The following PCSK6 variants were observed in gnomAD, a reference collection of about 807,000 sequenced individuals.
PCSK6 encodes the protein paired basic amino acid cleaving enzyme 4.
A neutral mutation model predicts 123.3 loss-of-function variants in PCSK6; 85 were observed. The observed-to-expected ratio is 0.69, with a 90% CI of 0.58 to 0.83. The LOEUF is 0.83. Ranked by LOEUF, PCSK6 falls within the 40% of genes least tolerant of loss-of-function variation. PCSK6 has a pLI of 0.00. For missense variants in PCSK6, 1,191 were observed against 1,282.3 expected (o/e 0.93, Z 1.09); for synonymous variants, 508 against 516.0 (o/e 0.98, Z 0.21).
rs1477744712 is a variant in PCSK6, at chr15:101,427,936, T to C, written c.779A>G (p.Asn260Ser). 1.9e-6 allele frequency: 3 copies of C among 1,589,010 alleles called. No homozygotes were observed. Among genetic ancestry groups the C allele is most frequent in the Non-Finnish European group, 2.6e-6 (3 of 1,167,548 alleles). Residue 260 changes from asparagine to serine, a missense_variant, in exon 6 of 22, where the codon AAT becomes AGT. This residue lies in a region of PCSK6 where 357 missense variants were observed against 484.5 expected (regional missense o/e 0.74). Coordinates refer to ENST00000611716, the MANE Select transcript of PCSK6 (RefSeq NM_002570.5). ...CAGEVAASANNSYCIVGIAYN... is the reference protein window; with the variant it reads ...CAGEVAASANSSYCIVGIAYN... ...CGCTATGCCCACGATGCAGTAGGAA[T>C]TGTTTGCTGAAGCAGCAACTTCTCC...
chr15:101,310,901 G>C (rs1192290630), intron 20 of PCSK6, among the ~76,000 whole-genome samples: 5 of 152,160 alleles, frequency 3.3e-5, no homozygotes, highest in Non-Finnish European at 7.3e-5. Context: ...CTCATTTTCA[G>C]TCTTTTTCAG....
In PCSK6 at chr15:101,364,061, A is replaced by C. The variant is rs532948770; in HGVS notation, c.1858+2135T>G. 3.6e-3 allele frequency among the ~76,000 whole-genome samples: 541 copies of C among 152,208 alleles called. 3 individuals are homozygous for C. The highest frequency in any genetic ancestry group is 3.8e-3 in the Non-Finnish European group (261 of 68,006). Reference sequence around the variant, plus strand: ...AATTTTCCACGTAAGGCAAGTCAACACTCTTCTTTTCTCCTAAAACTGTGC... The same window carrying C: ...AATTTTCCACGTAAGGCAAGTCAACCCTCTTCTTTTCTCCTAAAACTGTGC... On this transcript the variant is annotated intron_variant, in intron 13 of 21. Coordinates refer to ENST00000611716, the MANE Select transcript of PCSK6 (RefSeq NM_002570.5).
At chr15:101,451,835 T>C (rs929824935) in intron 1 of PCSK6, among the ~76,000 whole-genome samples, 1 of 152,188 alleles carries the variant, frequency 6.6e-6, no homozygotes, top group Non-Finnish European at 1.5e-5. Flanking sequence ...ACCAAATTAA[T>C]TCTGTATTGC....
chr15:101,352,436 C>T (rs979162200), intron 13 of PCSK6, among the ~76,000 whole-genome samples: 4 of 152,178 alleles, frequency 2.6e-5, no homozygotes, highest in African/African-American at 9.7e-5. Flanking sequence ...GAATATTTTT[C>T]TAATTTTATG....
At chr15:101,352,137 A>ATTT (rs56844456) in intron 13 of PCSK6, among the ~76,000 whole-genome samples, 4,942 of 96,980 alleles carry the variant, frequency 0.051, 513 homozygotes, top group African/African-American at 0.1. Context: ...TATTTTTCTA[A>ATTT]TTTTTTTTTT....
At chr15:101,487,955 A>G (rs898535680) in intron 1 of PCSK6, among the ~76,000 whole-genome samples, 1 of 152,214 alleles carries the variant, frequency 6.6e-6, no homozygotes, top group African/African-American at 2.4e-5. Flanking sequence ...CATTTTATAT[A>G]TATATATGCA....
intron 15 of PCSK6, among the ~76,000 whole-genome samples, chr15:101,330,149 T>C (rs964252921): frequency 1.3e-5 from 2 of 152,176 alleles, no homozygotes; most frequent in African/African-American, 4.8e-5. Context: ...AGCACTGACA[T>C]CTTCCTTGTG....
At chr15:101,306,702 A>G (rs2039730984) in intron 21 of PCSK6, among the ~76,000 whole-genome samples, 1 of 152,056 alleles carries the variant, frequency 6.6e-6, no homozygotes, top group African/African-American at 2.4e-5. Flanking sequence ...CTTGTCCCCC[A>G]TCCTATGGCA....
chr15:101,438,885 G>T (rs1443598065), intron 2 of PCSK6, among the ~76,000 whole-genome samples: 6 of 152,220 alleles, frequency 3.9e-5, no homozygotes, highest in Non-Finnish European at 8.8e-5. Flanking sequence ...TTGGAGCCCA[G>T]AGGGGAAGGT....
intron 6 of PCSK6, among the ~76,000 whole-genome samples, chr15:101,406,610 G>T (rs2042788994): frequency 2.0e-5 from 3 of 152,070 alleles, no homozygotes; most frequent in African/African-American, 7.2e-5. Flanking sequence ...AATCCTAAAA[G>T]GTTTCTGTCA....
At chr15:101,433,625 G>T (rs1312597962) in intron 2 of PCSK6, among the ~76,000 whole-genome samples, 3 of 152,260 alleles carry the variant, frequency 2.0e-5, no homozygotes, top group Non-Finnish European at 4.4e-5. Context: ...CAAGAGAAGG[G>T]GGCGGGGCCC....
chr15:101,452,191 A>G (rs1446849480), intron 1 of PCSK6, among the ~76,000 whole-genome samples: 2 of 152,234 alleles, frequency 1.3e-5, no homozygotes, highest in African/African-American at 4.8e-5. Context: ...GAAATCATTA[A>G]TTCTTACTTA....
At chr15:101,460,872 C>A (rs2057325999) in intron 1 of PCSK6, among the ~76,000 whole-genome samples, 1 of 152,032 alleles carries the variant, frequency 6.6e-6, no homozygotes, top group Non-Finnish European at 1.5e-5. Flanking sequence ...CTATTTAGGA[C>A]AACTCATGGG....
At chr15:101,366,410 C>T (rs2041392939) in intron 12 of PCSK6, 78 bp from the exon 13 acceptor site, 1 of 1,474,352 alleles carries the variant, frequency 6.8e-7, no homozygotes. Context: ...ACAAGCAGGG[C>T]TCTCGGGGGA....
At chr15:101,457,222 A>T (rs375182351) in intron 1 of PCSK6, among the ~76,000 whole-genome samples, 34 of 152,342 alleles carry the variant, frequency 2.2e-4, no homozygotes, top group African/African-American at 8.2e-4. Context: ...ATCTCAACTC[A>T]GCAGTTGAGG....
chr15:101,357,155 C>A (rs1000237264), intron 13 of PCSK6, among the ~76,000 whole-genome samples: 3 of 152,196 alleles, frequency 2.0e-5, no homozygotes, highest in Non-Finnish European at 4.4e-5. Flanking sequence ...GCACCCTGCC[C>A]CAAGCACAGG....
intron 10 of PCSK6, among the ~76,000 whole-genome samples, chr15:101,382,539 T>C (rs2041940546): frequency 6.6e-6 from 1 of 152,184 alleles, no homozygotes; most frequent in African/African-American, 2.4e-5. Flanking sequence ...AAAGGGCTTG[T>C]CAGCATCTAT....
rs1471309356 is a variant in PCSK6 at position 101,429,964 on chromosome 15, G to A, written c.734+23C>T. 3.1e-6 allele frequency: 5 copies of A among 1,587,966 alleles called. No individual in the cohort carries two copies. In the African/African-American group the frequency reaches 4.0e-5, roughly 13 times the overall value. On this transcript the variant is annotated intron_variant, in intron 5 of 21. Transcript: ENST00000611716. ...CTGCAGGGAGGGGAAGAGAAGCCGG[G>A]GAGATGAGGCGAGGTGACGTACTTA...
chr15:101,345,408 G>A (rs539177148), intron 13 of PCSK6, among the ~76,000 whole-genome samples: 3 of 151,920 alleles, frequency 2.0e-5, no homozygotes, highest in African/African-American at 7.2e-5. Flanking sequence ...TGAAAAAAAG[G>A]CAAACAGATT....
Sources: gnomAD v4.1 joint callset for allele counts (sites outside exome capture counted in the v4.1 genomes callset) on GRCh38, gnomAD v4.1.1 for gene constraint, gnomAD v4.1.1 regional missense constraint, MANE v1.5 for transcripts, NCBI Gene and HGNC (gene_info 2026-07-23, HGNC 2026-07-21) for gene names.